RABL2B: variants seen among roughly 807,000 people sequenced by gnomAD.
The protein encoded by RABL2B is rab-like protein 2B.
In RABL2B, 17 loss-of-function variants were observed where a neutral mutation model predicts 26.7. That is an observed-to-expected ratio of 0.64 (90% CI 0.44 to 0.95). The LOEUF (loss-of-function observed/expected upper bound fraction) is 0.95, where lower values mean the gene tolerates loss of function less well. Among genes scored for constraint, RABL2B ranks in the 40% least tolerant of loss-of-function variants. The pLI is 0.00. For missense variants in RABL2B, 170 were observed against 277.2 expected, an observed-to-expected ratio of 0.61 and a Z score of 2.75; for synonymous variants, 70 against 103.9, an observed-to-expected ratio of 0.67 and a Z score of 1.99.
chr22:50,771,266 C>T (rs1397874609), intron 5 of RABL2B: 3 of 151,584 alleles, frequency 2.0e-5, no homozygotes, highest in African/African-American at 7.3e-5. Flanking sequence ...TGGTCTCGAA[C>T]TCTTGATCTC....
At chr22:50,781,416 G>C (rs1363645837) in intron 2 of RABL2B, among the ~76,000 whole-genome samples, 1 of 150,598 alleles carries the variant, frequency 6.6e-6, no homozygotes, top group Non-Finnish European at 1.5e-5. Context: ...GAGAGAGAGA[G>C]AGAGAGACAG....
Position 50,777,997 on chromosome 22 carries a change from G to A in RABL2B, c.108-16C>T. Reference sequence around the variant, plus strand: ...CTCCATGAGTCTGTAAGCAGAACAGGCAAGGTGGTCAGATGGCGTCTCCAT... The same window carrying A: ...CTCCATGAGTCTGTAAGCAGAACAGACAAGGTGGTCAGATGGCGTCTCCAT... On this transcript the variant is annotated splice_polypyrimidine_tract_variant and intron_variant, in intron 2 of 8. Transcript: ENST00000691320. 1 of 1,614,044 alleles carries A rather than the reference G, an allele frequency of 6.2e-7. No individual in the cohort carries two copies. The highest frequency in any genetic ancestry group is 1.1e-5 in the South Asian group (1 of 91,068).
At chr22:50,775,943 A>G (rs781872022) in intron 4 of RABL2B, 92 bp from the exon 5 acceptor site, 431 of 1,390,084 alleles carry the variant, frequency 3.1e-4, no homozygotes, top group Non-Finnish European at 4.2e-4. Flanking sequence ...ACCACAGCAC[A>G]TGTGTGAGTG....
In RABL2B at chr22:50,768,298, G is replaced by A. The variant is rs1360875100; in HGVS notation, c.*478C>T. 3.7e-5 allele frequency: 8 copies of A among 216,868 alleles called. No individual in the cohort carries two copies. The highest frequency in any genetic ancestry group is 6.5e-5 in the Non-Finnish European group (7 of 106,948). 13.4% of individuals were successfully genotyped at this position (216,868 alleles called of 1,614,324 possible). A position where few individuals can be genotyped will look rare whatever the true frequency, so the allele number is the denominator to read the frequency against. On this transcript the variant is annotated 3_prime_UTR_variant, in exon 9 of 9. Transcript: ENST00000691320. ...GGGAGACTGAAGAGGAAAAAAGATG[G>A]GAGAAAACGTAGGGAAAGGATGGGG...
intron 5 of RABL2B, chr22:50,771,131 C>T (rs1555918195): frequency 6.6e-6 from 1 of 151,674 alleles, no homozygotes; most frequent in African/African-American, 2.4e-5. Context: ...CAACCTTTGC[C>T]TTCTGTGTTC....
At chr22:50,777,207 T>G (rs2085125811) in intron 3 of RABL2B, among the ~76,000 whole-genome samples, 1 of 152,144 alleles carries the variant, frequency 6.6e-6, no homozygotes, top group Non-Finnish European at 1.5e-5. Flanking sequence ...TGTCTATGTG[T>G]GAAACCCTGA....
intron 5 of RABL2B, among the ~76,000 whole-genome samples, chr22:50,774,763 T>A (rs371282013): frequency 0.07 from 10,600 of 151,478 alleles, 324 homozygotes; most frequent in African/African-American, 0.11. Flanking sequence ...GCATTGTTGA[T>A]GGCTGATATT....
At position 50,769,540 on chromosome 22, in the gene RABL2B, A is replaced by G. The variant is rs1555916643; in HGVS notation, c.422T>C (p.Val141Ala). Residue 141 changes from valine to alanine, a missense_variant, in exon 7 of 9, where the codon GTG (valine) becomes GCG (alanine). Transcript: ENST00000691320. Reference sequence around the variant, plus strand: ...GGCAAAATTGAAGCTTTTTTGGGTCACGTTTATGTCTGCTGTAGAGAGAAG... The same window carrying G: ...GGCAAAATTGAAGCTTTTTTGGGTCGCGTTTATGTCTGCTGTAGAGAGAAG... ...VANKIDADIN[V>A]TQKSFNFAKK... 2 of 1,612,346 alleles carry G rather than the reference A, an allele frequency of 1.2e-6. No individual in the cohort carries two copies. Among genetic ancestry groups the G allele is most frequent in the South Asian group, 1.1e-5 (1 of 91,034 alleles).
Position 50,767,774 on chromosome 22 carries a change from C to T in RABL2B, c.*1002G>A, listed in dbSNP as rs1333304239. On this transcript the variant is annotated 3_prime_UTR_variant, in exon 9 of 9. Transcript: ENST00000691320. ...TTTAAAGGAAGCTCTTCTTGTAGTC[C>T]AAATGGACGTACCTTGTGGTATGGC... The T allele has an allele frequency of 4.4e-6, 2 of 453,792 alleles. No homozygotes were observed. The highest frequency in any genetic ancestry group is 8.8e-6 in the Non-Finnish European group (2 of 226,134). 28.1% of individuals were successfully genotyped at this position (453,792 alleles called of 1,614,324 possible).
chr22:50,774,897 C>T (rs1217145654), intron 5 of RABL2B, among the ~76,000 whole-genome samples: 4 of 152,086 alleles, frequency 2.6e-5, no homozygotes, highest in Non-Finnish European at 4.4e-5. Context: ...CCTGCCTCAA[C>T]CTCCCAAGTA....
intron 4 of RABL2B, 37 bp from the exon 5 acceptor site, chr22:50,775,888 G>A (rs1555923516): frequency 6.2e-7 from 1 of 1,614,102 alleles, no homozygotes. Flanking sequence ...CATGCCTGGT[G>A]CACTTCTGTG....
At chr22:50,769,724 G>C in intron 6 of RABL2B, 172 bp from the exon 7 acceptor site, 1 of 1,091,650 alleles carries the variant, frequency 9.2e-7, no homozygotes, top group Non-Finnish European at 1.3e-6. Context: ...AAAGAGGGCA[G>C]GTCGGCTTAG....
At chr22:50,772,207 C>G (rs1388143638) in intron 5 of RABL2B, 1 of 330,806 alleles carries the variant, frequency 3.0e-6, no homozygotes, top group Non-Finnish European at 4.3e-6. Context: ...TTTTGTATTT[C>G]TAGTAGAGAC....
intron 5 of RABL2B, among the ~76,000 whole-genome samples, chr22:50,773,328 T>G (rs2084466036): frequency 6.6e-6 from 1 of 152,174 alleles, no homozygotes; most frequent in Admixed American, 6.5e-5. Flanking sequence ...CAAGGGGCAG[T>G]CGGGGGAATT....
At chr22:50,770,451 A>G (rs529923930) in intron 5 of RABL2B, 35 of 228,428 alleles carry the variant, frequency 1.5e-4, no homozygotes, top group African/African-American at 8.0e-4. Flanking sequence ...AGGGAGACAG[A>G]GGTTGCAGCG....
rs1294578891 is a variant in RABL2B, at chr22:50,779,196, G to A, written c.108-1215C>T. ...TTTTCTTAAGGAAAAGTTGCCTCTG[G>A]AAGACAGGATGAAGGAGGGAAAAAG... On this transcript the variant is annotated intron_variant, in intron 2 of 8. Coordinates refer to ENST00000691320, the MANE Select transcript of RABL2B (RefSeq NM_001130919.3). Among the ~76,000 whole-genome samples the A allele has an allele frequency of 2.0e-5, 3 of 151,418 alleles. No individual in the cohort carries two copies. The East Asian group carries it at 5.9e-4, about 30-fold the overall frequency.
intron 5 of RABL2B, among the ~76,000 whole-genome samples, chr22:50,770,884 C>A (rs1175003899): frequency 6.9e-6 from 1 of 143,926 alleles, no homozygotes; most frequent in Non-Finnish European, 1.5e-5. Context: ...CCAAGTAGCA[C>A]GCACGCATTA....
At chr22:50,771,781 T>C (rs2084224775) in intron 5 of RABL2B, 1 of 151,400 alleles carries the variant, frequency 6.6e-6, no homozygotes, top group African/African-American at 2.4e-5. Flanking sequence ...GCTAATTTTG[T>C]TTATTTTTTG....
chr22:50,775,910 G>A (rs1555923541), intron 4 of RABL2B, 59 bp from the exon 5 acceptor site: 1 of 1,612,006 alleles, frequency 6.2e-7, no homozygotes, highest in African/African-American at 1.3e-5. Context: ...AAGTCACTAA[G>A]ATACAACACA....
Sources: gnomAD v4.1 joint callset for allele counts (sites outside exome capture counted in the v4.1 genomes callset) on GRCh38, gnomAD v4.1.1 for gene constraint, MANE v1.5 for transcripts, NCBI Gene and HGNC (gene_info 2026-07-23, HGNC 2026-07-21) for gene names.